CAMSAP2: variants seen among roughly 807,000 people sequenced by gnomAD.
The protein encoded by CAMSAP2 is calmodulin-regulated spectrin-associated protein 2.
Under a neutral mutation model 146.1 loss-of-function variants are expected in CAMSAP2, and 26 were observed. That is an observed-to-expected ratio of 0.18 (90% CI 0.13 to 0.25). The LOEUF (loss-of-function observed/expected upper bound fraction) is 0.25. Ranked by LOEUF, CAMSAP2 falls within the 10% of genes least tolerant of loss-of-function variation. The pLI is 1.00. For synonymous variants in CAMSAP2, 499 were observed against 596.6 expected (o/e 0.84, Z 2.38); for missense variants, 1,381 against 1,759.3 (o/e 0.78, Z 3.85).
At chr1:200,843,016 T>C (rs1194192220) in intron 7 of CAMSAP2, among the ~76,000 whole-genome samples, 1 of 151,352 alleles carries the variant, frequency 6.6e-6, no homozygotes, top group Non-Finnish European at 1.5e-5. Context: ...GGTTTATTTC[T>C]ATAGGGGGAA....
chr1:200,849,221 G>A lies in CAMSAP2; in HGVS notation c.2452G>A (p.Ala818Thr), dbSNP rs763986666. The A allele has an allele frequency of 1.2e-6, 2 of 1,613,828 alleles. No homozygotes were observed. The highest frequency in any genetic ancestry group is 4.5e-5 in the East Asian group (2 of 44,884). ...AGATGAGAAAGTATATACTGATCGAGCAAAAGAAAAGGAATCACAAAAAAC... is the reference window on the plus strand; with the variant it reads ...AGATGAGAAAGTATATACTGATCGAACAAAAGAAAAGGAATCACAAAAAAC... Reference protein sequence around the residue: ...AEDEKVYTDRAKEKESQKTDG... With the variant: ...AEDEKVYTDRTKEKESQKTDG... Residue 818 changes from alanine to threonine, a missense_variant, in exon 11 of 17, where the codon GCA (alanine) becomes ACA (threonine). By Grantham distance (58) the Ala-to-Thr change is moderately conservative. Around this residue, in one of 4 missense-constraint regions of CAMSAP2, gnomAD observed 560 missense variants for 715.9 expected, o/e 0.78. Transcript: ENST00000358823. The surrounding 1 kb of genome is among the most constrained non-coding windows in gnomAD (Gnocchi z 6.3).
intron 2 of CAMSAP2, among the ~76,000 whole-genome samples, chr1:200,786,197 G>T (rs1359113597): frequency 6.6e-6 from 1 of 151,796 alleles, no homozygotes; most frequent in Non-Finnish European, 1.5e-5. Context: ...CCAGCTCTTT[G>T]TTTCAGTTTT....
Position 200,827,191 on chromosome 1 carries a change from G to C in CAMSAP2, c.646-5009G>C, listed in dbSNP as rs1666927198. Among the ~76,000 whole-genome samples the C allele has an allele frequency of 5.3e-5, 8 of 152,272 alleles. No homozygotes were observed. The South Asian group carries it at 1.7e-3, about 32-fold the overall frequency. The stretch of plus-strand genomic sequence containing the variant: ...TTGCTGTTACCAGTTTAGATCAATG[G>C]AGGGCCAAGAGAAAGGCCAGAGCAG... On this transcript the variant is annotated intron_variant, in intron 4 of 16. Transcript: ENST00000358823.
At chr1:200,854,963 AT>A (rs1257340199) in intron 14 of CAMSAP2, 74 bp downstream of exon 14, 116 of 1,120,960 alleles carry the variant, frequency 1.0e-4, no homozygotes, top group Non-Finnish European at 2.0e-5. Context: ...CTAAGTAAAA[AT>A]TCTTCAGTGT....
chr1:200,830,318 TG>T (rs1667010878), intron 4 of CAMSAP2, among the ~76,000 whole-genome samples: 2 of 152,388 alleles, frequency 1.3e-5, no homozygotes, highest in African/African-American at 4.8e-5. Flanking sequence ...TGTGTGTGTG[TG>T]TGCACGTGCA....
At chr1:200,823,943 G>C (rs1666837695) in intron 4 of CAMSAP2, among the ~76,000 whole-genome samples, 1 of 152,054 alleles carries the variant, frequency 6.6e-6, no homozygotes, top group Admixed American at 6.5e-5. Flanking sequence ...TATGCTTTGA[G>C]TTACAATCTA....
At chr1:200,829,292 G>A (rs549357028) in intron 4 of CAMSAP2, among the ~76,000 whole-genome samples, 10 of 152,126 alleles carry the variant, frequency 6.6e-5, no homozygotes, top group East Asian at 3.9e-4. Flanking sequence ...GGTGGCTCAC[G>A]CTTATAATCC....
intron 4 of CAMSAP2, chr1:200,828,634 T>C: frequency 6.5e-7 from 1 of 1,544,844 alleles, no homozygotes; most frequent in Non-Finnish European, 8.8e-7. Flanking sequence ...TTCAGTTTGC[T>C]CTCCAGAATT....
intron 4 of CAMSAP2, among the ~76,000 whole-genome samples, chr1:200,826,345 T>G (rs1411411231): frequency 6.6e-6 from 1 of 151,788 alleles, no homozygotes; most frequent in African/African-American, 2.4e-5. Flanking sequence ...GGTGGGAGAA[T>G]TGCTTGAACC....
rs1250029213 is a variant in CAMSAP2, at chr1:200,832,371, T to A, written c.787+30T>A. ...GTGTTCCATTGTAATACTTCTGAAC[T>A]GTAGACAGATAGTAACCAATATTTA... On this transcript the variant is annotated intron_variant, in intron 5 of 16. Transcript: ENST00000358823. The surrounding 1 kb of genome is among the most constrained non-coding windows in gnomAD (Gnocchi z 4.2). 2 of 1,578,886 alleles carry A rather than the reference T, an allele frequency of 1.3e-6. No homozygotes were observed. Among genetic ancestry groups the A allele is most frequent in the African/African-American group, 2.7e-5 (2 of 73,432 alleles).
chr1:200,849,502 G>A lies in CAMSAP2; in HGVS notation c.2733G>A (p.Met911Ile), dbSNP rs767246605. The change falls in exon 11 of 17, where the codon ATG (methionine) becomes ATA (isoleucine). Residue 911 changes from methionine to isoleucine, a missense_variant. Coordinates refer to ENST00000358823, the MANE Select transcript of CAMSAP2 (RefSeq NM_203459.4). This position sits in a 1 kb window ranked among gnomAD's most constrained non-coding sequence, Gnocchi z 6.3. Reference sequence around the variant, plus strand: ...TTCAGCAGGAGATGTTAATGCAGATGAGAGAGCAACAATCTTGGGTGATTT... The same window carrying A: ...TTCAGCAGGAGATGTTAATGCAGATAAGAGAGCAACAATCTTGGGTGATTT... ...LSLQQEMLMQ[M>I]REQQSWVISP... 6.2e-7 allele frequency: 1 copy of A among 1,614,184 alleles called. No homozygotes were observed. The highest frequency in any genetic ancestry group is 1.7e-5 in the Admixed American group (1 of 60,012).
rs1020479077 is a variant in CAMSAP2, at chr1:200,815,486, G to A, written c.562-75G>A. ...TCTGACTATAGGCATCTTAATGTGT[G>A]TTATTTTATTGTTATATTTGAATGT... On this transcript the variant is annotated intron_variant, in intron 3 of 16. Transcript: ENST00000358823. 7.2e-5 allele frequency: 51 copies of A among 712,338 alleles called. No homozygotes were observed. In the African/African-American group the frequency reaches 8.5e-4, roughly 12 times the overall value. 44.1% of individuals were successfully genotyped at this position (712,338 alleles called of 1,614,324 possible).
At chr1:200,779,272 A>G (rs1486747250) in intron 2 of CAMSAP2, among the ~76,000 whole-genome samples, 1 of 152,220 alleles carries the variant, frequency 6.6e-6, no homozygotes, top group Non-Finnish European at 1.5e-5. Flanking sequence ...AATCACAACA[A>G]TGACACCATC....
At position 200,832,217 on chromosome 1, in the gene CAMSAP2, G is replaced by A. The variant is rs1215257082; in HGVS notation, c.663G>A (p.Glu221=). 1 of 1,610,608 alleles carries A rather than the reference G, an allele frequency of 6.2e-7. No individual in the cohort carries two copies. Among genetic ancestry groups the A allele is most frequent in the East Asian group, 2.2e-5 (1 of 44,782 alleles). ...TATCGTAGGCTCGTTATCGGAAAGA[G>A]CAAACATTGCTTAAGCAACTGCCTT... ...PGGQKARYRK[E]QTLLKQLPCI... The change falls in exon 5 of 17, where the codon GAG becomes GAA. Residue 221 remains glutamate (E), a synonymous_variant. Transcript: ENST00000358823. This position sits in a 1 kb window ranked among gnomAD's most constrained non-coding sequence, Gnocchi z 4.2.
chr1:200,816,952 A>C (rs1261713177), intron 4 of CAMSAP2, among the ~76,000 whole-genome samples: 3 of 55,976 alleles, frequency 5.4e-5, no homozygotes, highest in Admixed American at 1.6e-4. Flanking sequence ...ATGTGTGTAC[A>C]CACACACGCG....
At chr1:200,821,074 T>G (rs1487950620) in intron 4 of CAMSAP2, among the ~76,000 whole-genome samples, 1 of 152,148 alleles carries the variant, frequency 6.6e-6, no homozygotes, top group African/African-American at 2.4e-5. Flanking sequence ...TAGTTAACTG[T>G]GAAGACATAG....
At chr1:200,841,835 C>T (rs1190840703) in intron 6 of CAMSAP2, among the ~76,000 whole-genome samples, 159 bp from the exon 7 acceptor site, 3 of 152,136 alleles carry the variant, frequency 2.0e-5, no homozygotes, top group African/African-American at 4.8e-5. Flanking sequence ...AATTTTTACC[C>T]ACAAGAGTTA....
At chr1:200,817,102 A>T (rs115714635) in intron 4 of CAMSAP2, among the ~76,000 whole-genome samples, 19,169 of 144,414 alleles carry the variant, frequency 0.13, 1,430 homozygotes, top group African/African-American at 0.17. Context: ...ATATATGTAT[A>T]CACACACGTG....
In CAMSAP2 at chr1:200,745,059, A is replaced by G. The variant is rs12077424; in HGVS notation, c.139+5093A>G. On this transcript the variant is annotated intron_variant, in intron 1 of 16. Coordinates refer to ENST00000358823, the MANE Select transcript of CAMSAP2 (RefSeq NM_203459.4). ...TTATTCTTGTAAGCGTTTTATATGC[A>G]TTATTTATTTTAATTCTGAGAATGA... Among the ~76,000 whole-genome samples the G allele has an allele frequency of 6.6e-3, 1,000 of 152,292 alleles. 13 individuals are homozygous for G. The highest frequency in any genetic ancestry group is 0.023 in the African/African-American group (959 of 41,560).
Sources: gnomAD v4.1 joint callset for allele counts (sites outside exome capture counted in the v4.1 genomes callset) on GRCh38, gnomAD v4.1.1 for gene constraint, gnomAD v4.1.1 regional missense constraint, Gnocchi (gnomAD v3.1) non-coding constraint, MANE v1.5 for transcripts, NCBI Gene and HGNC (gene_info 2026-07-23, HGNC 2026-07-21) for gene names.